RNF152: variants seen among roughly 807,000 people sequenced by gnomAD.
RNF152 encodes ring finger protein 152.
RNF152 carries 11 observed loss-of-function variants against 12.7 expected under a neutral mutation model. The observed-to-expected ratio is 0.86, with a 90% CI of 0.54 to 1.43. The LOEUF (loss-of-function observed/expected upper bound fraction) is 1.43, where lower values mean the gene tolerates loss of function less well. RNF152 is among the 40% of genes most tolerant of loss of function. RNF152 has a pLI of 0.00. For missense variants in RNF152, 255 were observed against 274.8 expected (o/e 0.93, Z 0.51); for synonymous variants, 113 against 120.3 (o/e 0.94, Z 0.40).
rs58772361 is a variant in RNF152 at position 61,813,278 on chromosome 18, TCACACACACACACA to T, written c.*2560_*2573del. ...GAGATTCTCTCTCTCTCTCTCTCTC[TCACACACACACACA>T]CACACACACACACACACACACACAT... On this transcript the variant is annotated 3_prime_UTR_variant, in exon 2 of 2. Coordinates refer to ENST00000312828, the MANE Select transcript of RNF152 (RefSeq NM_173557.3). The T allele has an allele frequency of 4.3e-5, 5 of 117,278 alleles. No homozygotes were observed. Among genetic ancestry groups the T allele is most frequent in the South Asian group, 2.9e-4 (1 of 3,496 alleles). 7.3% of individuals were successfully genotyped at this position (117,278 alleles called of 1,614,324 possible). A position where few individuals can be genotyped will look rare whatever the true frequency, so the allele number is the denominator to read the frequency against.
At chr18:61,855,830 G>A (rs1911204841) in intron 1 of RNF152, among the ~76,000 whole-genome samples, 1 of 152,212 alleles carries the variant, frequency 6.6e-6, no homozygotes, top group Non-Finnish European at 1.5e-5. Flanking sequence ...GGCAGAAGGT[G>A]CCATTGGCCA....
Position 61,816,618 on chromosome 18 carries a change from C to A in RNF152, c.-135-20G>T. 1 of 708,830 alleles carries A rather than the reference C, an allele frequency of 1.4e-6. No homozygotes were observed. 43.9% of individuals were successfully genotyped at this position (708,830 alleles called of 1,614,324 possible). ...TCATTTCTGAGAGAGACAAATAATG[C>A]AAACAATCTTAATTATTTCAAAGAA... On this transcript the variant is annotated intron_variant, in intron 1 of 1. Coordinates refer to ENST00000312828, the MANE Select transcript of RNF152 (RefSeq NM_173557.3).
chr18:61,874,085 T>C (rs1357248057), intron 1 of RNF152, among the ~76,000 whole-genome samples: 2 of 152,248 alleles, frequency 1.3e-5, no homozygotes, highest in African/African-American at 4.8e-5. Flanking sequence ...TTTAGAAATA[T>C]AAAAACTAAT....
intron 1 of RNF152, among the ~76,000 whole-genome samples, chr18:61,825,864 T>C (rs934803984): frequency 6.6e-5 from 10 of 152,202 alleles, no homozygotes; most frequent in Non-Finnish European, 1.2e-4. Context: ...ACTCCTAATT[T>C]TTTTTTTACT....
In RNF152 at chr18:61,816,400, G is replaced by T. The variant is rs767426822; in HGVS notation, c.64C>A (p.Arg22=). The T allele has an allele frequency of 2.5e-6, 4 of 1,613,654 alleles. No homozygotes were observed. Among genetic ancestry groups the T allele is most frequent in the Non-Finnish European group, 2.5e-6 (3 of 1,179,800 alleles). ...CAGTCCAGCAACTTGGGCCTGCGCCGGGGGCTGTAGTAATTGAAACAGATC... is the reference window on the plus strand; with the variant it reads ...CAGTCCAGCAACTTGGGCCTGCGCCTGGGGCTGTAGTAATTGAAACAGATC... ...CQICFNYYSP[R]RRPKLLDCKH... is the part of the protein sequence containing the mutation. Residue 22 remains arginine (R), a synonymous_variant, in exon 2 of 2, where the codon CGG becomes AGG. Transcript: ENST00000312828.
At chr18:61,855,400 G>T (rs1250752751) in intron 1 of RNF152, among the ~76,000 whole-genome samples, 3 of 152,264 alleles carry the variant, frequency 2.0e-5, no homozygotes, top group African/African-American at 7.2e-5. Flanking sequence ...CTGTAGTGGG[G>T]GAGGCGCAGC....
chr18:61,871,231 G>A (rs1219106861), intron 1 of RNF152, among the ~76,000 whole-genome samples: 1 of 120,242 alleles, frequency 8.3e-6, no homozygotes, highest in East Asian at 2.5e-4. Context: ...AAAACAGAAG[G>A]GAATTGATTC....
intron 1 of RNF152, among the ~76,000 whole-genome samples, chr18:61,839,524 G>A (rs562925869): frequency 1.2e-4 from 19 of 152,100 alleles, no homozygotes; most frequent in Non-Finnish European, 1.6e-4. Context: ...TTCCCACTCC[G>A]TCCTAGCAGG....
chr18:61,825,597 G>C (rs1909622339), intron 1 of RNF152, among the ~76,000 whole-genome samples: 1 of 152,156 alleles, frequency 6.6e-6, no homozygotes, highest in Non-Finnish European at 1.5e-5. Context: ...GGTAACTTAA[G>C]GTCTGGAGGC....
intron 1 of RNF152, among the ~76,000 whole-genome samples, chr18:61,880,720 T>C (rs1047280346): frequency 5.3e-5 from 8 of 152,212 alleles, no homozygotes; most frequent in Non-Finnish European, 7.3e-5. Context: ...ACATTATTAA[T>C]AATAACTTCA....
chr18:61,887,408 GA>G (rs59373633), intron 1 of RNF152, among the ~76,000 whole-genome samples: 79,483 of 151,894 alleles, frequency 0.52, 20,870 homozygotes, highest in East Asian at 0.75. Flanking sequence ...TCAAGGAGCA[GA>G]AACAGCAATA....
chr18:61,844,102 G>GAAAGAA (rs1037973760), intron 1 of RNF152, among the ~76,000 whole-genome samples: 11 of 136,276 alleles, frequency 8.1e-5, no homozygotes, highest in Non-Finnish European at 9.5e-5. Context: ...AAGAAAGAAA[G>GAAAGAA]AAAGAAAGAA....
chr18:61,875,714 G>A (rs746537615), intron 1 of RNF152, among the ~76,000 whole-genome samples: 7 of 152,056 alleles, frequency 4.6e-5, no homozygotes, highest in East Asian at 1.9e-4. Context: ...ACCTGTGTAT[G>A]TCTCACCACT....
intron 1 of RNF152, among the ~76,000 whole-genome samples, chr18:61,858,499 C>A (rs2144710509): frequency 6.6e-6 from 1 of 152,200 alleles, no homozygotes; most frequent in Non-Finnish European, 1.5e-5. Flanking sequence ...GAAATATTTC[C>A]CCCGATACCT....
chr18:61,881,453 AGAG>A (rs372193843), intron 1 of RNF152, among the ~76,000 whole-genome samples: 5 of 152,324 alleles, frequency 3.3e-5, no homozygotes, highest in Middle Eastern at 3.4e-3. Context: ...TCTGATGGGA[AGAG>A]GAGAAGTGCA....
intron 1 of RNF152, among the ~76,000 whole-genome samples, chr18:61,876,060 T>C (rs925175691): frequency 6.6e-6 from 1 of 152,144 alleles, no homozygotes; most frequent in African/African-American, 2.4e-5. Context: ...CATACTCCCA[T>C]ACTACCAGTC....
chr18:61,878,708 C>A (rs1432560253), intron 1 of RNF152, among the ~76,000 whole-genome samples: 1 of 152,202 alleles, frequency 6.6e-6, no homozygotes, highest in African/African-American at 2.4e-5. Context: ...CAAGATGACA[C>A]CTTATTGTTG....
intron 1 of RNF152, among the ~76,000 whole-genome samples, chr18:61,828,554 A>AACTC (rs1333873867): frequency 6.6e-6 from 1 of 152,212 alleles, no homozygotes; most frequent in Non-Finnish European, 1.5e-5. Context: ...CCTCCAGAGT[A>AACTC]GCTGGGACTA....
chr18:61,864,922 A>G (rs2144724487), intron 1 of RNF152, among the ~76,000 whole-genome samples: 1 of 152,334 alleles, frequency 6.6e-6, no homozygotes, highest in South Asian at 2.1e-4. Context: ...CAGGAGGCTG[A>G]GGCAGGAGAA....
Sources: gnomAD v4.1 joint callset for allele counts (sites outside exome capture counted in the v4.1 genomes callset) on GRCh38, gnomAD v4.1.1 for gene constraint, MANE v1.5 for transcripts, NCBI Gene and HGNC (gene_info 2026-07-23, HGNC 2026-07-21) for gene names.